CLCN2: variants seen among roughly 807,000 people sequenced by gnomAD.
The protein encoded by CLCN2 is chloride channel protein 2.
A neutral mutation model predicts 108.3 loss-of-function variants in CLCN2; 72 were observed. That is an observed-to-expected ratio of 0.66 (90% CI 0.55 to 0.81). The LOEUF is 0.81. Ranked by LOEUF, CLCN2 falls within the 30% of genes least tolerant of loss-of-function variation. CLCN2 has a pLI of 0.00. For synonymous variants in CLCN2, 471 were observed against 467.1 expected (o/e 1.01, Z -0.11); for missense variants, 1,048 against 1,205.2 (o/e 0.87, Z 1.93).
Position 184,357,720 on chromosome 3 carries a change from G to A in CLCN2, c.694-22C>T, listed in dbSNP as rs144104960. ...CATTCTGGCGAGAGTGGTGGCAAGA[G>A]GGGGTCAGCTGTGGGCTCAGCAGCC... On this transcript the variant is annotated intron_variant, in intron 6 of 23. Transcript: ENST00000265593. The A allele has an allele frequency of 4.1e-3, 6,617 of 1,614,026 alleles. 28 individuals are homozygous for A. Among genetic ancestry groups the A allele is most frequent in the Admixed American group, 4.7e-3 (283 of 60,032 alleles).
chr3:184,359,902 C>T (rs1037267035), intron 1 of CLCN2, among the ~76,000 whole-genome samples: 9 of 133,530 alleles, frequency 6.7e-5, no homozygotes, highest in Admixed American at 1.7e-4. Context: ...CCAAGCTGGG[C>T]GTGTGTTGGG....
In CLCN2 at chr3:184,351,898, A is replaced by G. The variant is rs535888211; in HGVS notation, c.2415+115T>C. 61 of 813,274 alleles carry G rather than the reference A, an allele frequency of 7.5e-5. No homozygotes were observed. In the African/African-American group the frequency reaches 9.2e-4, roughly 12 times the overall value. 50.4% of individuals were successfully genotyped at this position (813,274 alleles called of 1,614,324 possible). A position where few individuals can be genotyped will look rare whatever the true frequency, so the allele number is the denominator to read the frequency against. The stretch of plus-strand genomic sequence containing the variant: ...TAAAAAACATCTCCGCACTGAGCCA[A>G]CTCCCTTCTCCTCCCTCCTTCCCCA... On this transcript the variant is annotated intron_variant, in intron 22 of 23. Coordinates refer to ENST00000265593, the MANE Select transcript of CLCN2 (RefSeq NM_004366.6).
chr3:184,352,985 C>T (rs757732396), intron 18 of CLCN2, 48 bp downstream of exon 18: 9 of 1,579,012 alleles, frequency 5.7e-6, no homozygotes, highest in Non-Finnish European at 7.0e-6. Context: ...TCTAATGGAT[C>T]TCAGTAGCTT....
Position 184,361,593 on chromosome 3 carries a change from G to T in CLCN2, c.-114C>A. On this transcript the variant is annotated 5_prime_UTR_variant, in exon 1 of 24. Transcript: ENST00000265593. This position sits in a 1 kb window ranked among gnomAD's most constrained non-coding sequence, Gnocchi z 6.6. ...TCCCGTCCCCGCAGCCCGGGAGGCC[G>T]AGAGCAGAGTGCGGCGGGCCCCCGG... The T allele has an allele frequency of 1.8e-6, 2 of 1,122,268 alleles. No homozygotes were observed. Among genetic ancestry groups the T allele is most frequent in the Non-Finnish European group, 2.5e-6 (2 of 811,336 alleles). The allele number at this position is 1,122,268 out of a possible 1,614,324, so 69.5% of individuals were successfully genotyped here. A position where few individuals can be genotyped will look rare whatever the true frequency, so the allele number is the denominator to read the frequency against.
chr3:184,354,704 G>T, intron 13 of CLCN2, 46 bp from the exon 14 acceptor site: 1 of 1,406,096 alleles, frequency 7.1e-7, no homozygotes, highest in Non-Finnish European at 9.9e-7. Context: ...GGAGGGGGAG[G>T]GCAGGGGGCA....
chr3:184,355,394 C>T lies in CLCN2; in HGVS notation c.1306G>A (p.Val436Ile), dbSNP rs757468720. 1 of 1,613,868 alleles carries T rather than the reference C, an allele frequency of 6.2e-7. No individual in the cohort carries two copies. The highest frequency in any genetic ancestry group is 8.5e-7 in the Non-Finnish European group (1 of 1,180,004). The change falls in exon 12 of 24, where the codon GTC (valine) becomes ATC (isoleucine). Residue 436 changes from valine (V) to isoleucine (I), a missense_variant. Transcript: ENST00000265593. This position sits in a 1 kb window ranked among gnomAD's most constrained non-coding sequence, Gnocchi z 6.3. ...PPRANVFLTL[V>I]IFILMKFWMS... is the part of the protein sequence containing the mutation. The stretch of plus-strand genomic sequence containing the variant: ...CCCACCTTCATGAGAATGAAGATGA[C>T]CAGGGTGAGGAAGACGTTGGCACGT...
chr3:184,359,258 T>A, intron 1 of CLCN2, 127 bp from the exon 2 acceptor site: 3 of 1,192,470 alleles, frequency 2.5e-6, no homozygotes. Flanking sequence ...AACGCACAGT[T>A]CCCACTCTGG....
intron 22 of CLCN2, among the ~76,000 whole-genome samples, chr3:184,351,147 C>T (rs1728060523): frequency 6.6e-6 from 1 of 152,166 alleles, no homozygotes; most frequent in African/African-American, 2.4e-5. Context: ...TATACTGGCT[C>T]TTAGGCAGAG....
In CLCN2 at chr3:184,346,662, G is replaced by A. The variant is rs753882107; in HGVS notation, c.2641C>T (p.Arg881Cys). The A allele has an allele frequency of 1.6e-5, 26 of 1,614,030 alleles. No homozygotes were observed. Among genetic ancestry groups the A allele is most frequent in the African/African-American group, 8.0e-5 (6 of 74,938 alleles). Residue 881 changes from arginine (R) to cysteine (C), a missense_variant, in exon 24 of 24, where the codon CGT (arginine) becomes TGT (cysteine). Physicochemically the swap from Arg to Cys is radical, Grantham distance 180. Coordinates refer to ENST00000265593, the MANE Select transcript of CLCN2 (RefSeq NM_004366.6). The surrounding 1 kb of genome is among the most constrained non-coding windows in gnomAD (Gnocchi z 6.0). ...EVHALWGPHS[R>C]HGLPREGSPS... ...CTGCCCTCCCGGGGGAGGCCATGACGGGAGTGGGGCCCCCAGAGTGCATGC... is the reference window on the plus strand; with the variant it reads ...CTGCCCTCCCGGGGGAGGCCATGACAGGAGTGGGGCCCCCAGAGTGCATGC...
At chr3:184,349,148 A>T (rs990628011) in intron 22 of CLCN2, 3 of 152,028 alleles carry the variant, frequency 2.0e-5, no homozygotes, top group African/African-American at 4.8e-5. Flanking sequence ...TCCACACTTC[A>T]GCTCTTCTCT....
chr3:184,358,189 C>G lies in CLCN2; in HGVS notation c.474G>C (p.Gln158His), dbSNP rs753830724. Residue 158 changes from glutamine to histidine, a missense_variant, in exon 4 of 24, where the codon CAG becomes CAC. By Grantham distance (24) the Gln-to-His change is conservative. Transcript: ENST00000265593. ...SAGFTQILAP[Q>H]AVGSGIPEMK... Reference sequence around the variant, plus strand: ...CCTTCTCTTCTAACATACCGACAGCCTGAGGGGCCAGGATCTGTGTGAATC... The same window carrying G: ...CCTTCTCTTCTAACATACCGACAGCGTGAGGGGCCAGGATCTGTGTGAATC... 6.2e-7 allele frequency: 1 copy of G among 1,614,136 alleles called. No individual in the cohort carries two copies. Among genetic ancestry groups the G allele is most frequent in the Non-Finnish European group, 8.5e-7 (1 of 1,180,040 alleles).
At position 184,359,038 on chromosome 3, in the gene CLCN2, G is replaced by A; in HGVS notation, c.157C>T (p.Pro53Ser). 6.2e-7 allele frequency: 1 copy of A among 1,613,622 alleles called. No homozygotes were observed. The highest frequency in any genetic ancestry group is 8.5e-7 in the Non-Finnish European group (1 of 1,180,032). ...LGGPEPWKGP[P>S]SSRAAPELLE... ...AGCTCTGGGGCAGCCCGAGAGGAAG[G>A]GGGACCTTTCCAGGGTTCAGGCCCT... is the stretch of plus-strand genomic sequence containing the variant. The change falls in exon 2 of 24, where the codon CCT becomes TCT. Residue 53 changes from proline (P) to serine (S), a missense_variant. Coordinates refer to ENST00000265593, the MANE Select transcript of CLCN2 (RefSeq NM_004366.6).
intron 1 of CLCN2, among the ~76,000 whole-genome samples, chr3:184,359,749 G>C (rs1207188128): frequency 1.3e-5 from 2 of 152,218 alleles, no homozygotes. Context: ...GGTGGAGAGG[G>C]CTTGGTGGCC....
rs1553855042 is a variant in CLCN2, at chr3:184,353,343, C to CCAG, written c.1934_1935insCTG (p.Arg645_Arg646insTrp). The CCAG allele has an allele frequency of 9.9e-6, 16 of 1,613,202 alleles. No homozygotes were observed. The highest frequency in any genetic ancestry group is 1.4e-5 in the Non-Finnish European group (16 of 1,179,958). ...CTCTGCGCTCCTGCATGTGCTGCCGCCGGCGGGCTGGGCTCAGCTGGGCCC... is the reference window on the plus strand; with the variant it reads ...CTCTGCGCTCCTGCATGTGCTGCCGCCAGCGGCGGGCTGGGCTCAGCTGGGCCC... On this transcript the variant is annotated inframe_insertion, in exon 17 of 24. Coordinates refer to ENST00000265593, the MANE Select transcript of CLCN2 (RefSeq NM_004366.6).
At chr3:184,356,253 T>G (rs908970433) in intron 10 of CLCN2, 74 of 221,750 alleles carry the variant, frequency 3.3e-4, no homozygotes, top group Non-Finnish European at 4.9e-4. Context: ...CTGCCCTCTC[T>G]CTGAAGGATG....
At position 184,353,903 on chromosome 3, in the gene CLCN2, G is replaced by A. The variant is rs778114542; in HGVS notation, c.1722-108C>T. The A allele has an allele frequency of 4.4e-5, 66 of 1,517,088 alleles. No homozygotes were observed. The Middle Eastern group carries it at 5.2e-4, about 12-fold the overall frequency. 94.0% of individuals were successfully genotyped at this position (1,517,088 alleles called of 1,614,324 possible). On this transcript the variant is annotated intron_variant, in intron 15 of 23. Transcript: ENST00000265593. ...GGCTCCAGAGCCCATCCATGGGGAC[G>A]GGAGCTAAGGACCAAGGGGTGCTCC...
intron 13 of CLCN2, 30 bp downstream of exon 13, chr3:184,354,873 AG>A (rs774973290): frequency 6.2e-7 from 1 of 1,607,576 alleles, no homozygotes; most frequent in Admixed American, 1.7e-5. Flanking sequence ...AGGAAGGTGC[AG>A]GCTGGGTGAG....
At chr3:184,349,894 G>A (rs1727968051) in intron 22 of CLCN2, among the ~76,000 whole-genome samples, 1 of 152,192 alleles carries the variant, frequency 6.6e-6, no homozygotes, top group African/African-American at 2.4e-5. Context: ...GGTGGCCTCT[G>A]AATGAATTAC....
At chr3:184,350,005 C>T (rs1031214344) in intron 22 of CLCN2, among the ~76,000 whole-genome samples, 2 of 152,220 alleles carry the variant, frequency 1.3e-5, no homozygotes, top group African/African-American at 4.8e-5. Flanking sequence ...CTTAATTGGG[C>T]GACTACCTAT....
Sources: gnomAD v4.1 joint callset for allele counts (sites outside exome capture counted in the v4.1 genomes callset) on GRCh38, gnomAD v4.1.1 for gene constraint, Gnocchi (gnomAD v3.1) non-coding constraint, MANE v1.5 for transcripts, NCBI Gene and HGNC (gene_info 2026-07-23, HGNC 2026-07-21) for gene names.